RIMS2: variants seen among roughly 807,000 people sequenced by gnomAD.
The protein encoded by RIMS2 is regulating synaptic membrane exocytosis 2.
Under a neutral mutation model 174.4 loss-of-function variants are expected in RIMS2, and 59 were observed. The observed-to-expected ratio is 0.34, with a 90% CI of 0.27 to 0.42. RIMS2 has a LOEUF of 0.42. RIMS2 is among the 10% of genes least tolerant of loss of function. The pLI, the probability that RIMS2 is intolerant of heterozygous loss-of-function variation, is 1.00. For synonymous variants in RIMS2, 606 were observed against 572.5 expected, an observed-to-expected ratio of 1.06 and a Z score of -0.84; for missense variants, 1,620 against 1,666.3, an observed-to-expected ratio of 0.97 and a Z score of 0.48.
At chr8:104,033,112 G>A (rs1041389880) in intron 19 of RIMS2, among the ~76,000 whole-genome samples, 1 of 151,910 alleles carries the variant, frequency 6.6e-6, no homozygotes, top group African/African-American at 2.4e-5. Flanking sequence ...TAGTAAAACA[G>A]TACCTACTGA....
intron 1 of RIMS2, among the ~76,000 whole-genome samples, chr8:103,587,251 C>A (rs2093976112): frequency 6.6e-6 from 1 of 151,910 alleles, no homozygotes; most frequent in Non-Finnish European, 1.5e-5. Context: ...AACCTGATGG[C>A]TTCACTGCCG....
intron 1 of RIMS2, 117 bp from the exon 4 acceptor site, chr8:103,696,969 C>T: frequency 5.6e-6 from 3 of 538,510 alleles, no homozygotes; most frequent in Admixed American, 3.1e-5. Flanking sequence ...AATTTTCATT[C>T]TTTTTATTCT....
chr8:104,161,100 G>A (rs2098757861), intron 19 of RIMS2, among the ~76,000 whole-genome samples: 1 of 152,128 alleles, frequency 6.6e-6, no homozygotes, highest in South Asian at 2.1e-4. Context: ...TTAAAACTTT[G>A]TCTAACATAT....
At chr8:103,992,615 T>G (rs946494385) in intron 17 of RIMS2, among the ~76,000 whole-genome samples, 2 of 152,162 alleles carry the variant, frequency 1.3e-5, no homozygotes, top group African/African-American at 4.8e-5. Flanking sequence ...TTGGGTGGTG[T>G]AAGGAGAAGA....
chr8:103,500,823 C>G (rs1308932219), exon 1 of RIMS2: 2 of 1,105,790 alleles, frequency 1.8e-6, no homozygotes, highest in East Asian at 2.7e-5. Flanking sequence ...GCCGCCGCGC[C>G]GGTGCCGCCG....
At chr8:103,658,028 T>A (rs919376081) in intron 1 of RIMS2, among the ~76,000 whole-genome samples, 2 of 152,228 alleles carry the variant, frequency 1.3e-5, no homozygotes, top group African/African-American at 2.4e-5. Context: ...GATACCGTAG[T>A]TGCTTCTACT....
At position 103,518,231 on chromosome 8, in the gene RIMS2, T is replaced by C. The variant is rs552513773; in HGVS notation, c.176+17169T>C. The stretch of plus-strand genomic sequence containing the variant: ...AATTCAAAAAATGATTTGTAAGTTA[T>C]TAGAATGACTGTATAAATAATTTAT... On this transcript the variant is annotated intron_variant, in intron 1 of 23. Coordinates refer to ENST00000504942, the Ensembl canonical transcript of RIMS2. Among the ~76,000 whole-genome samples the C allele has an allele frequency of 2.0e-5, 3 of 152,194 alleles. No individual in the cohort carries two copies. The South Asian group carries it at 6.2e-4, about 32-fold the overall frequency.
intron 1 of RIMS2, among the ~76,000 whole-genome samples, chr8:103,592,459 C>T (rs185676278): frequency 6.6e-6 from 1 of 151,274 alleles, no homozygotes; most frequent in Admixed American, 6.6e-5. Context: ...GGCATCTTGG[C>T]ATTGAGTAAT....
At chr8:104,007,289 C>G (rs1460463334) in intron 17 of RIMS2, among the ~76,000 whole-genome samples, 1 of 152,120 alleles carries the variant, frequency 6.6e-6, no homozygotes, top group East Asian at 1.9e-4. Flanking sequence ...AGAGCCTTTT[C>G]CTAATCTAGC....
At chr8:103,913,491 G>A (rs1322411838) in intron 6 of RIMS2, among the ~76,000 whole-genome samples, 1 of 152,104 alleles carries the variant, frequency 6.6e-6, no homozygotes, top group African/African-American at 2.4e-5. Context: ...TTGTCCTGTA[G>A]AATATAAGAG....
At chr8:104,116,119 G>T (rs1406866432) in intron 19 of RIMS2, among the ~76,000 whole-genome samples, 1 of 152,136 alleles carries the variant, frequency 6.6e-6, no homozygotes, top group Non-Finnish European at 1.5e-5. Flanking sequence ...ATGAATAAAA[G>T]TTAACCAGAA....
chr8:103,998,295 C>T (rs1434728796), intron 17 of RIMS2: 1 of 1,291,538 alleles, frequency 7.7e-7, no homozygotes, highest in Non-Finnish European at 1.1e-6. Flanking sequence ...ATTGCTTGTG[C>T]CTGTGTATTG....
At position 103,832,108 on chromosome 8, in the gene RIMS2, T is replaced by C. The variant is rs796131943; in HGVS notation, c.699-53190T>C. 2.6e-5 allele frequency among the ~76,000 whole-genome samples: 4 copies of C among 152,200 alleles called. No homozygotes were observed. In the East Asian group the frequency reaches 7.7e-4, roughly 29 times the overall value. On this transcript the variant is annotated intron_variant, in intron 3 of 23. Transcript: ENST00000504942. ...TATAACCATGTGTGCAAATACTGTT[T>C]CTCTAGTGTGTCTTTTTGTAGTCAT...
At chr8:103,819,451 G>T in intron 3 of RIMS2, 1 of 1,600,846 alleles carries the variant, frequency 6.2e-7, no homozygotes, top group South Asian at 1.1e-5. Flanking sequence ...GCAAATAGAT[G>T]ATTTTAAAGA....
At chr8:103,653,598 C>T (rs1026885031) in intron 1 of RIMS2, among the ~76,000 whole-genome samples, 14 of 152,000 alleles carry the variant, frequency 9.2e-5, no homozygotes, top group East Asian at 1.9e-4. Context: ...ATGAGAATGA[C>T]GAGTATGATG....
intron 3 of RIMS2, among the ~76,000 whole-genome samples, chr8:103,870,688 T>C (rs2099107184): frequency 6.6e-6 from 1 of 152,190 alleles, no homozygotes; most frequent in Non-Finnish European, 1.5e-5. Context: ...GTTTATTTTT[T>C]TCTTACTTCC....
Position 104,068,724 on chromosome 8 carries a change from C to T in RIMS2, c.3334+54109C>T, listed in dbSNP as rs1395113656. On this transcript the variant is annotated intron_variant, in intron 19 of 23. Transcript: ENST00000504942. ...CAGACACAAACATATAATGCCATGG[C>T]CCCATGATATTATTAAGTGCTAAAA... 9 of 605,804 alleles carry T rather than the reference C, an allele frequency of 1.5e-5. No individual in the cohort carries two copies. In the Admixed American group the frequency reaches 1.7e-4, roughly 11 times the overall value. The allele number at this position is 605,804 out of a possible 1,614,324, so 37.5% of individuals were successfully genotyped here.
At chr8:104,125,130 A>G (rs1007590930) in intron 19 of RIMS2, among the ~76,000 whole-genome samples, 2 of 152,112 alleles carry the variant, frequency 1.3e-5, no homozygotes, top group African/African-American at 4.8e-5. Context: ...GTAAAGGACT[A>G]TGTCTGCATA....
At position 103,772,931 on chromosome 8, in the gene RIMS2, G is replaced by A. The variant is rs554105374; in HGVS notation, c.698+6394G>A. ...AAATTTGAAGCATACTTTTTTTACT[G>A]TATAAAATTAACTGAAAGTGGATCA... On this transcript the variant is annotated intron_variant, in intron 3 of 23. Transcript: ENST00000504942. Among the ~76,000 whole-genome samples, 326 of 148,944 alleles carry A rather than the reference G, an allele frequency of 2.2e-3. 1 individual carries two copies. The highest frequency in any genetic ancestry group is 3.6e-3 in the Non-Finnish European group (243 of 67,476).
Sources: allele counts gnomAD v4.1 joint callset (sites outside exome capture counted in the v4.1 genomes callset), GRCh38; gene constraint gnomAD v4.1.1; transcripts MANE v1.5; gene names NCBI Gene and HGNC (gene_info 2026-07-23, HGNC 2026-07-21).